The following ZCWPW1 variants were observed in gnomAD, a reference collection of about 807,000 sequenced individuals.
The protein encoded by ZCWPW1 is zinc finger CW-type PWWP domain protein 1.
In ZCWPW1, 56 loss-of-function variants were observed where a neutral mutation model predicts 81.3. The ratio of observed to expected loss-of-function variants is 0.69; its 90% confidence interval spans 0.56 to 0.86. ZCWPW1 has a LOEUF of 0.86. ZCWPW1 is among the 40% of genes least tolerant of loss of function. ZCWPW1 has a pLI of 0.00. For synonymous variants in ZCWPW1, 250 were observed against 273.7 expected (o/e 0.91, Z 0.86); for missense variants, 650 against 769.8 (o/e 0.84, Z 1.84).
At chr7:100,404,382 A>G (rs1792552214) in intron 13 of ZCWPW1, 138 bp from the exon 14 acceptor site, 2 of 825,890 alleles carry the variant, frequency 2.4e-6, no homozygotes, top group Admixed American at 4.6e-5. Flanking sequence ...TATTTTTGAG[A>G]CAGGGTCTTG....
Position 100,402,175 on chromosome 7 carries a change from C to T in ZCWPW1, c.1475-134G>A, listed in dbSNP as rs1292930239. 10 of 1,185,942 alleles carry T rather than the reference C, an allele frequency of 8.4e-6. No individual in the cohort carries two copies. In the East Asian group the frequency reaches 1.7e-4, roughly 20 times the overall value. The allele number at this position is 1,185,942 out of a possible 1,614,324, so 73.5% of individuals were successfully genotyped here. On this transcript the variant is annotated intron_variant, in intron 16 of 17. Transcript: ENST00000684423. ...CAATCTAGTGAGTTTTCCTGGTGGC[C>T]TCTGGCTCTTTTTCAACATCTTTTC...
chr7:100,408,526 C>G lies in ZCWPW1; in HGVS notation c.992+13G>C. The G allele has an allele frequency of 6.2e-7, 1 of 1,611,236 alleles. No individual in the cohort carries two copies. ...TTTGTGAAGGATGCTCTGACTGTGT[C>G]ATAATGCCCTACCAGGGGTAACCGT... On this transcript the variant is annotated intron_variant, in intron 10 of 17. Coordinates refer to ENST00000684423, the MANE Select transcript of ZCWPW1 (RefSeq NM_001386010.1).
intron 10 of ZCWPW1, among the ~76,000 whole-genome samples, chr7:100,407,561 T>C (rs1048807015): frequency 6.6e-6 from 1 of 152,094 alleles, no homozygotes; most frequent in Non-Finnish European, 1.5e-5. Flanking sequence ...CCCAGCTGTT[T>C]ATTTTATTTT....
At chr7:100,404,386 G>GCAAGACCCT in intron 13 of ZCWPW1, 142 bp from the exon 14 acceptor site, 1 of 791,818 alleles carries the variant, frequency 1.3e-6, no homozygotes, top group Non-Finnish European at 2.0e-6. Context: ...TTTGAGACAG[G>GCAAGACCCT]GTCTTGCTCT....
chr7:100,415,312 A>C (rs1231059502), intron 8 of ZCWPW1, among the ~76,000 whole-genome samples: 1 of 151,690 alleles, frequency 6.6e-6, no homozygotes, highest in Non-Finnish European at 1.5e-5. Context: ...TGAACTCCTG[A>C]CCTTGTGATC....
intron 3 of ZCWPW1, 47 bp from the exon 4 acceptor site, chr7:100,419,930 C>G (rs1226627772): frequency 4.9e-6 from 7 of 1,441,464 alleles, no homozygotes; most frequent in Non-Finnish European, 5.6e-6. Flanking sequence ...TACAGTCTAA[C>G]AGAGATTGCC....
chr7:100,419,569 C>A, intron 4 of ZCWPW1, 61 bp downstream of exon 4: 10 of 1,541,662 alleles, frequency 6.5e-6, no homozygotes, highest in Admixed American at 2.1e-5. Flanking sequence ...GTTTGTCTAG[C>A]CTGAGCCAGG....
chr7:100,407,206 T>A (rs751075043), intron 11 of ZCWPW1, 22 bp downstream of exon 11: 2 of 1,612,260 alleles, frequency 1.2e-6, no homozygotes, highest in African/African-American at 2.7e-5. Flanking sequence ...AGCTCCTTCT[T>A]ACCCTGAACC....
At chr7:100,425,695 G>C (rs1425364092) in intron 1 of ZCWPW1, among the ~76,000 whole-genome samples, 4 of 152,154 alleles carry the variant, frequency 2.6e-5, no homozygotes, top group Non-Finnish European at 5.9e-5. Context: ...CGAGAACCCA[G>C]TTGTTTTCTA....
intron 2 of ZCWPW1, among the ~76,000 whole-genome samples, chr7:100,423,312 T>G (rs1412683734): frequency 6.6e-6 from 1 of 152,210 alleles, no homozygotes; most frequent in Non-Finnish European, 1.5e-5. Context: ...CTGAAACTCT[T>G]TGTTCTAAAT....
intron 7 of ZCWPW1, 35 bp from the exon 8 acceptor site, chr7:100,416,132 T>A: frequency 6.2e-7 from 1 of 1,611,448 alleles, no homozygotes. Flanking sequence ...GGTGGGGAGA[T>A]GAAGAAGACA....
Position 100,404,237 on chromosome 7 carries a change from AC to A in ZCWPW1, c.1261del (p.Val421LeufsTer27). The A allele has an allele frequency of 6.2e-7, 1 of 1,614,046 alleles. No individual in the cohort carries two copies. Among genetic ancestry groups the A allele is most frequent in the Non-Finnish European group, 8.5e-7 (1 of 1,179,982 alleles). On this transcript the variant is annotated frameshift_variant, in exon 14 of 18. Transcript: ENST00000684423. LOFTEE classifies it high-confidence loss of function. ...EAEQISIQERVNLFGFWSRFN... is the reference protein window; with the variant it reads ...EAEQISIQERXNLFGFWSRFN... ...TCGGCTCCAGAAACCAAACAAGTTA[AC>A]CCGTTCCTAAGGGAACCAAGAAACA...
chr7:100,418,967 T>C (rs1795854390), intron 5 of ZCWPW1, 144 bp downstream of exon 5: 1 of 622,676 alleles, frequency 1.6e-6, no homozygotes, highest in East Asian at 2.8e-5. Flanking sequence ...TGATGAAGTA[T>C]TTTTAAAATA....
Position 100,408,613 on chromosome 7 carries a change from C to T in ZCWPW1, c.918G>A (p.Gly306=), listed in dbSNP as rs1404744115. The T allele has an allele frequency of 1.2e-6, 2 of 1,614,062 alleles. No homozygotes were observed. Among genetic ancestry groups the T allele is most frequent in the Non-Finnish European group, 8.5e-7 (1 of 1,179,970 alleles). ...AGGCATAGGCCACATCACTCTCAAG[C>T]CCTGTCCAGGTCTCCTCAGGAATAT... The part of the protein sequence containing the change: ...RCDIPEETWT[G]LESDVAYASY... The change falls in exon 10 of 18, where the codon GGG becomes GGA. Residue 306 remains glycine, a synonymous_variant. Transcript: ENST00000684423.
chr7:100,424,120 T>C (rs1328165383), intron 2 of ZCWPW1, among the ~76,000 whole-genome samples: 2 of 150,622 alleles, frequency 1.3e-5, no homozygotes, highest in African/African-American at 4.9e-5. Flanking sequence ...AAAAAGAATA[T>C]TAATTTGACC....
Position 100,402,048 on chromosome 7 carries a change from G to A in ZCWPW1, c.1475-7C>T, listed in dbSNP as rs536980278. 27 of 1,598,726 alleles carry A rather than the reference G, an allele frequency of 1.7e-5. No homozygotes were observed. The highest frequency in any genetic ancestry group is 5.4e-5 in the African/African-American group (4 of 74,346). Reference sequence around the variant, plus strand: ...CCTGCATCACCCCCAAGCCCTAGCCGTGAGGGAAATGCGTTTATTTCTCTC... The same window carrying A: ...CCTGCATCACCCCCAAGCCCTAGCCATGAGGGAAATGCGTTTATTTCTCTC... On this transcript the variant is annotated splice_region_variant and splice_polypyrimidine_tract_variant and intron_variant, in intron 16 of 17. Coordinates refer to ENST00000684423, the MANE Select transcript of ZCWPW1 (RefSeq NM_001386010.1).
At chr7:100,409,666 C>T in intron 8 of ZCWPW1, 122 bp from the exon 9 acceptor site, 1 of 678,942 alleles carries the variant, frequency 1.5e-6, no homozygotes, top group Non-Finnish European at 2.5e-6. Flanking sequence ...CATTAGAGAT[C>T]AACCAGCCCG....
chr7:100,423,434 T>G (rs1796701157), intron 2 of ZCWPW1, among the ~76,000 whole-genome samples: 1 of 152,212 alleles, frequency 6.6e-6, no homozygotes, highest in Admixed American at 6.5e-5. Flanking sequence ...ATGGCCAAAC[T>G]CGTTCAAGGT....
chr7:100,419,234 A>G lies in ZCWPW1; in HGVS notation c.283-45T>C, dbSNP rs757655573. ...GGAGGAAAACCACTTATCTTTCCATAGTTTTCCCCTCTGAACAGTCAGGGA... is the reference window on the plus strand; with the variant it reads ...GGAGGAAAACCACTTATCTTTCCATGGTTTTCCCCTCTGAACAGTCAGGGA... On this transcript the variant is annotated intron_variant, in intron 4 of 17. Transcript: ENST00000684423. The G allele has an allele frequency of 3.2e-6, 5 of 1,552,572 alleles. No individual in the cohort carries two copies. The African/African-American group carries it at 5.5e-5, about 17-fold the overall frequency.
Sources: allele counts gnomAD v4.1 joint callset (sites outside exome capture counted in the v4.1 genomes callset), GRCh38; gene constraint gnomAD v4.1.1; transcripts MANE v1.5; gene names NCBI Gene and HGNC (gene_info 2026-07-23, HGNC 2026-07-21).